The following MED23 variants were observed in gnomAD, a reference collection of about 807,000 sequenced individuals.
MED23 encodes mediator complex subunit 23.
A neutral mutation model predicts 163.9 loss-of-function variants in MED23; 105 were observed. The ratio of observed to expected loss-of-function variants is 0.64; its 90% confidence interval spans 0.55 to 0.75. The LOEUF is 0.75. Ranked by LOEUF, MED23 falls within the 30% of genes least tolerant of loss-of-function variation. MED23 has a pLI of 0.00. For missense variants in MED23, 1,054 were observed against 1,649.0 expected, an observed-to-expected ratio of 0.64 and a Z score of 6.25; for synonymous variants, 561 against 565.6, an observed-to-expected ratio of 0.99 and a Z score of 0.12.
chr6:131,596,477 G>A (rs1405075237), intron 21 of MED23, 41 bp downstream of exon 21: 1 of 1,601,054 alleles, frequency 6.2e-7, no homozygotes, highest in Non-Finnish European at 8.6e-7. Flanking sequence ...CTCAAGTATG[G>A]CTTTAAAAGG....
At chr6:131,626,614 A>G (rs1777520240) in intron 3 of MED23, among the ~76,000 whole-genome samples, 1 of 152,238 alleles carries the variant, frequency 6.6e-6, no homozygotes, top group African/African-American at 2.4e-5. Context: ...GACAGAAAAA[A>G]TAACAGGTAA....
rs1466573953 is a variant in MED23 at position 131,587,760 on chromosome 6, T to G, written c.4026A>C (p.Ala1342=). ...ITHISKMEPA[A]VPPQAMNSGS... ...CACTGTTCATGGCTTGTGGAGGCACTGCAGCTGGCTCCATCTTGCTAATGT... is the reference window on the plus strand; with the variant it reads ...CACTGTTCATGGCTTGTGGAGGCACGGCAGCTGGCTCCATCTTGCTAATGT... Residue 1342 remains alanine (A), a synonymous_variant, in exon 29 of 29, where the codon GCA becomes GCC. Transcript: ENST00000368068. The G allele has an allele frequency of 1.2e-6, 2 of 1,613,938 alleles. No homozygotes were observed. The highest frequency in any genetic ancestry group is 4.5e-5 in the East Asian group (2 of 44,884).
chr6:131,620,721 T>G lies in MED23; in HGVS notation c.504A>C (p.Ala168=). ...AGCAGGCATTTCTTTCCAAGATATA[T>G]GCTATAACCTAAGAAAAACAAAAAG... ...QQLLAAREVI[A]YILERNACLL... The change falls in exon 7 of 29, where the codon GCA becomes GCC. Residue 168 remains alanine (A), a synonymous_variant. Coordinates refer to ENST00000368068, the MANE Select transcript of MED23 (RefSeq NM_004830.4). 1.9e-6 allele frequency: 3 copies of G among 1,608,574 alleles called. No individual in the cohort carries two copies. The highest frequency in any genetic ancestry group is 2.2e-5 in the East Asian group (1 of 44,836).
At chr6:131,616,739 T>C (rs1211299047) in intron 9 of MED23, among the ~76,000 whole-genome samples, 2 of 152,164 alleles carry the variant, frequency 1.3e-5, no homozygotes, top group Non-Finnish European at 2.9e-5. Context: ...GAGGGTCACC[T>C]GAGCCCCAAA....
chr6:131,620,729 C>G lies in MED23; in HGVS notation c.496G>C (p.Val166Leu). ...VVQQLLAARE[V>L]IAYILERNAC... ...TTTCTTTCCAAGATATATGCTATAA[C>G]CTAAGAAAAACAAAAAGGCCACATC... is the stretch of plus-strand genomic sequence containing the variant. The change falls in exon 7 of 29, where the codon GTT (valine) becomes CTT (leucine). Residue 166 changes from valine to leucine, a missense_variant and splice_region_variant. Coordinates refer to ENST00000368068, the MANE Select transcript of MED23 (RefSeq NM_004830.4). 6.2e-7 allele frequency: 1 copy of G among 1,601,966 alleles called. No homozygotes were observed. Among genetic ancestry groups the G allele is most frequent in the Non-Finnish European group, 8.5e-7 (1 of 1,169,686 alleles).
chr6:131,624,662 T>C (rs767266637), intron 4 of MED23, among the ~76,000 whole-genome samples: 7 of 152,192 alleles, frequency 4.6e-5, no homozygotes, highest in Non-Finnish European at 1.0e-4. Flanking sequence ...GGCAGAAACA[T>C]CTGGTTTTGA....
intron 10 of MED23, among the ~76,000 whole-genome samples, chr6:131,615,079 AAAAAAAGAAAAAAAAAG>A (rs1328914449): frequency 6.7e-6 from 1 of 148,862 alleles, no homozygotes; most frequent in African/African-American, 2.5e-5. Flanking sequence ...AAAAAAAAAA[AAAAAAAGAAAAAAAAAG>A]AAAAAAGAAT....
chr6:131,592,480 ATG>A lies in MED23; in HGVS notation c.3399-22_3399-21del. 6.2e-7 allele frequency: 1 copy of A among 1,607,434 alleles called. No individual in the cohort carries two copies. Among genetic ancestry groups the A allele is most frequent in the Non-Finnish European group, 8.5e-7 (1 of 1,174,164 alleles). Reference sequence around the variant, plus strand: ...GGCTGACTGCAACCGGCAAAAAAGAATGTAAGTATGAATTTATAAAAACATTT... The same window carrying A: ...GGCTGACTGCAACCGGCAAAAAAGAATAAGTATGAATTTATAAAAACATTT... On this transcript the variant is annotated intron_variant, in intron 24 of 28. Coordinates refer to ENST00000368068, the MANE Select transcript of MED23 (RefSeq NM_004830.4).
At position 131,586,807 on chromosome 6, in the gene MED23, C is replaced by T. The variant is rs942001592; in HGVS notation, c.*872G>A. On this transcript the variant is annotated 3_prime_UTR_variant, in exon 29 of 29. Transcript: ENST00000368068. ...TTTCAAGTCTTTCGCAATGCCAATT[C>T]CCCCAAAATTAACAATGTCTCTCAA... The T allele has an allele frequency of 1.3e-6, 2 of 1,512,574 alleles. No homozygotes were observed. Among genetic ancestry groups the T allele is most frequent in the African/African-American group, 2.8e-5 (2 of 72,102 alleles). The allele number at this position is 1,512,574 out of a possible 1,614,324, so 93.7% of individuals were successfully genotyped here. A position where few individuals can be genotyped will look rare whatever the true frequency, so the allele number is the denominator to read the frequency against.
chr6:131,582,874 T>C (rs972333491), downstream of MED23, among the ~76,000 whole-genome samples: 1 of 152,186 alleles, frequency 6.6e-6, no homozygotes, highest in Non-Finnish European at 1.5e-5. Flanking sequence ...TACATATGTA[T>C]GTATCCAGGC....
In MED23 at chr6:131,628,098, A is replaced by G. The variant is rs745994934; in HGVS notation, c.-49T>C. The G allele has an allele frequency of 5.0e-6, 8 of 1,607,412 alleles. No individual in the cohort carries two copies. Among genetic ancestry groups the G allele is most frequent in the Admixed American group, 3.3e-5 (2 of 60,002 alleles). ...CAGGGTGCCCGGCAAGGCCCGGATC[A>G]GACTCGAGCTCTGGGAATATAGGGG... On this transcript the variant is annotated 5_prime_UTR_variant, in exon 1 of 29. Coordinates refer to ENST00000368068, the MANE Select transcript of MED23 (RefSeq NM_004830.4).
At chr6:131,588,281 C>T (rs1402916712) in intron 28 of MED23, among the ~76,000 whole-genome samples, 2 of 152,168 alleles carry the variant, frequency 1.3e-5, no homozygotes, top group African/African-American at 4.8e-5. Context: ...CTTTGAATAA[C>T]TCATGTTTGC....
At chr6:131,582,800 A>G (rs190824752), downstream of MED23, 3 of 1,142,382 alleles carry the variant, frequency 2.6e-6, no homozygotes, top group Non-Finnish European at 2.7e-6. Flanking sequence ...CTATGAGAGA[A>G]AATTAAACAT....
Position 131,598,457 on chromosome 6 carries a change from T to C in MED23, c.2437A>G (p.Arg813Gly). Residue 813 changes from arginine (R) to glycine (G), a missense_variant, in exon 20 of 29, where the codon AGA becomes GGA. Arg to Gly is a moderately radical substitution (Grantham distance 125). Coordinates refer to ENST00000368068, the MANE Select transcript of MED23 (RefSeq NM_004830.4). The surrounding 1 kb of genome is among the most constrained non-coding windows in gnomAD (Gnocchi z 4.7). ...INQIGYRVLE[R>G]IGARALVAHV... is the part of the protein sequence containing the mutation. The stretch of plus-strand genomic sequence containing the variant: ...GCTACCAAGGCCCTGGCTCCAATTC[T>C]CTCTAATACTCTGGAAGGCAGAGAG... 6.2e-7 allele frequency: 1 copy of C among 1,614,112 alleles called. No homozygotes were observed. Among genetic ancestry groups the C allele is most frequent in the Non-Finnish European group, 8.5e-7 (1 of 1,180,016 alleles).
intron 26 of MED23, among the ~76,000 whole-genome samples, chr6:131,591,042 G>A (rs1203534862): frequency 2.0e-5 from 3 of 150,896 alleles, no homozygotes; most frequent in South Asian, 4.2e-4. Context: ...GTGCAGTGGC[G>A]CGATCTTGGT....
At chr6:131,600,897 G>A (rs1775424326) in intron 17 of MED23, among the ~76,000 whole-genome samples, 1 of 152,238 alleles carries the variant, frequency 6.6e-6, no homozygotes, top group South Asian at 2.1e-4. Context: ...AAAAGTGCCA[G>A]TGTCAATCTC....
intron 2 of MED23, 71 bp from the exon 3 acceptor site, chr6:131,627,554 A>G: frequency 6.3e-7 from 1 of 1,587,074 alleles, no homozygotes; most frequent in Non-Finnish European, 8.7e-7. Flanking sequence ...AGAATAGTGG[A>G]TCTTATAACC....
intron 12 of MED23, among the ~76,000 whole-genome samples, chr6:131,607,157 G>A (rs1234460918): frequency 6.6e-6 from 1 of 151,842 alleles, no homozygotes; most frequent in African/African-American, 2.4e-5. Flanking sequence ...AAATAAGGAG[G>A]AAAGATGAAA....
rs763887065 is a variant in MED23, at chr6:131,620,648, C to G, written c.577G>C (p.Glu193Gln). The G allele has an allele frequency of 2.5e-6, 4 of 1,612,128 alleles. No individual in the cohort carries two copies. In the South Asian group the frequency reaches 3.3e-5, roughly 13 times the overall value. Reference protein sequence around the residue: ...AVTEIRKLYPEGKLPHWLLGN... With the variant: ...AVTEIRKLYPQGKLPHWLLGN... ...TTTACCCAGTGTGGAAGTTTGCCTT[C>G]AGGATACAGTTTCCTGATCTCAGTG... The change falls in exon 7 of 29, where the codon GAA becomes CAA. Residue 193 changes from glutamate (E) to glutamine (Q), a missense_variant. By Grantham distance (29) the Glu-to-Gln change is conservative (BLOSUM62 2). Transcript: ENST00000368068.
Sources: allele counts gnomAD v4.1 joint callset (sites outside exome capture counted in the v4.1 genomes callset), GRCh38; gene constraint gnomAD v4.1.1; non-coding constraint Gnocchi (gnomAD v3.1); transcripts MANE v1.5; gene names NCBI Gene and HGNC (gene_info 2026-07-23, HGNC 2026-07-21).